The following CNTN4 variants were observed in gnomAD, a reference collection of about 807,000 sequenced individuals.
The protein encoded by CNTN4 is contactin-4.
CNTN4 carries 77 observed loss-of-function variants against 122.5 expected under a neutral mutation model. The observed-to-expected ratio is 0.63, with a 90% CI of 0.52 to 0.76. The LOEUF is 0.76. Ranked by LOEUF, CNTN4 falls within the 30% of genes least tolerant of loss-of-function variation. CNTN4 has a pLI of 0.00. For missense variants in CNTN4, 1,256 were observed against 1,259.1 expected, an observed-to-expected ratio of 1.00 and a Z score of 0.04; for synonymous variants, 512 against 447.0, an observed-to-expected ratio of 1.15 and a Z score of -1.83.
chr3:2,373,506 G>A (rs1012167388), intron 3 of CNTN4, among the ~76,000 whole-genome samples: 21 of 152,216 alleles, frequency 1.4e-4, no homozygotes, highest in African/African-American at 4.8e-4. Flanking sequence ...ATGGATACAT[G>A]AGTTAGTGTT....
intron 10 of CNTN4, among the ~76,000 whole-genome samples, chr3:2,887,697 A>G (rs1311793852): frequency 2.6e-5 from 4 of 152,134 alleles, no homozygotes; most frequent in Non-Finnish European, 5.9e-5. Context: ...CACACTGTCC[A>G]AATTTAGTTC....
intron 2 of CNTN4, among the ~76,000 whole-genome samples, chr3:2,114,755 T>G (rs1463064537): frequency 6.6e-6 from 1 of 152,192 alleles, no homozygotes; most frequent in East Asian, 1.9e-4. Context: ...GGAGATATTC[T>G]TTATGCTGTA....
At chr3:3,000,335 A>T (rs1330193531) in intron 14 of CNTN4, among the ~76,000 whole-genome samples, 1 of 148,520 alleles carries the variant, frequency 6.7e-6, no homozygotes, top group Non-Finnish European at 1.5e-5. Context: ...AACTGGGATG[A>T]TAGGAACAGC....
In CNTN4 at chr3:2,328,262, CG is replaced by C. The variant is rs2043545811; in HGVS notation, c.-144-10913del. ...CTACTAAAAATACAAAAAAATTAGC[CG>C]GGCGTGGTGGCGGGCGCCTGTAGTC... On this transcript the variant is annotated intron_variant, in intron 2 of 24. Transcript: ENST00000418658. 2.7e-5 allele frequency among the ~76,000 whole-genome samples: 4 copies of C among 150,872 alleles called. No homozygotes were observed. In the South Asian group the frequency reaches 8.5e-4, roughly 32 times the overall value.
intron 3 of CNTN4, among the ~76,000 whole-genome samples, chr3:2,346,346 A>G (rs931130781): frequency 6.6e-6 from 1 of 152,074 alleles, no homozygotes. Context: ...TTTTCTATGC[A>G]TATTATTTTA....
chr3:2,803,927 C>A (rs1054631332), intron 6 of CNTN4, among the ~76,000 whole-genome samples: 7 of 152,034 alleles, frequency 4.6e-5, no homozygotes, highest in Non-Finnish European at 8.8e-5. Context: ...CCCATTGAGA[C>A]TGAGTCTCAA....
At chr3:2,537,653 C>T (rs1018018518) in intron 3 of CNTN4, among the ~76,000 whole-genome samples, 1 of 152,068 alleles carries the variant, frequency 6.6e-6, no homozygotes, top group Admixed American at 6.6e-5. Flanking sequence ...TTCATCCTTA[C>T]CACTAGCTAC....
chr3:2,972,462 A>G (rs1461813203), intron 13 of CNTN4, among the ~76,000 whole-genome samples: 2 of 152,202 alleles, frequency 1.3e-5, no homozygotes, highest in Non-Finnish European at 2.9e-5. Flanking sequence ...GCAACAAAGC[A>G]TGATTCGTTA....
At chr3:2,300,326 G>A (rs1283577867) in intron 2 of CNTN4, among the ~76,000 whole-genome samples, 1 of 152,072 alleles carries the variant, frequency 6.6e-6, no homozygotes, top group East Asian at 1.9e-4. Context: ...TGTCCTGAAA[G>A]TTCAGGGTAG....
chr3:2,809,518 G>C (rs1303064663), intron 6 of CNTN4, among the ~76,000 whole-genome samples: 1 of 152,104 alleles, frequency 6.6e-6, no homozygotes, highest in East Asian at 1.9e-4. Context: ...CACAGTGAAG[G>C]GTCCATATTT....
intron 4 of CNTN4, among the ~76,000 whole-genome samples, chr3:2,624,136 T>G (rs2082092674): frequency 6.6e-6 from 1 of 152,238 alleles, no homozygotes; most frequent in Admixed American, 6.5e-5. Flanking sequence ...ATTACAAAAT[T>G]TAAAAATACT....
chr3:2,717,480 A>G (rs142174031), intron 4 of CNTN4, among the ~76,000 whole-genome samples: 147 of 152,254 alleles, frequency 9.7e-4, no homozygotes, highest in African/African-American at 3.3e-3. Context: ...AGACTTGGGA[A>G]TCTTGCCTCT....
chr3:2,599,067 C>T (rs2080905165), intron 4 of CNTN4, among the ~76,000 whole-genome samples: 1 of 152,068 alleles, frequency 6.6e-6, no homozygotes, highest in African/African-American at 2.4e-5. Flanking sequence ...TTGGTGTATA[C>T]CTTATAGATC....
chr3:2,184,193 C>T (rs1024504183), intron 2 of CNTN4, among the ~76,000 whole-genome samples: 2 of 151,956 alleles, frequency 1.3e-5, no homozygotes, highest in African/African-American at 4.8e-5. Flanking sequence ...ACCATATTGC[C>T]CAGGCTGGTT....
intron 3 of CNTN4, among the ~76,000 whole-genome samples, chr3:2,441,601 C>T (rs1261043458): frequency 1.3e-5 from 2 of 152,130 alleles, no homozygotes; most frequent in African/African-American, 4.8e-5. Flanking sequence ...ATTTTGATTC[C>T]TGCAGTGGAT....
chr3:2,863,609 G>A (rs953678947), intron 7 of CNTN4, among the ~76,000 whole-genome samples: 6 of 151,802 alleles, frequency 4.0e-5, no homozygotes, highest in African/African-American at 1.2e-4. Flanking sequence ...TTAATAATCC[G>A]TATATTTTAC....
intron 6 of CNTN4, among the ~76,000 whole-genome samples, chr3:2,818,187 T>A (rs533362993): frequency 6.6e-6 from 1 of 152,248 alleles, no homozygotes; most frequent in African/African-American, 2.4e-5. Flanking sequence ...TGGTACTTAA[T>A]GGAGTTTTTA....
At chr3:3,010,279 C>T (rs1309145094) in intron 14 of CNTN4, among the ~76,000 whole-genome samples, 2 of 152,034 alleles carry the variant, frequency 1.3e-5, no homozygotes, top group African/African-American at 4.8e-5. Flanking sequence ...TACCTGACTT[C>T]AAGTAATACC....
chr3:2,402,070 G>A (rs1458390632), intron 3 of CNTN4, among the ~76,000 whole-genome samples: 3 of 152,118 alleles, frequency 2.0e-5, no homozygotes, highest in Admixed American at 2.0e-4. Context: ...CCATACTTGA[G>A]TAGATCAAAC....
Sources: gnomAD v4.1 joint callset for allele counts (sites outside exome capture counted in the v4.1 genomes callset) on GRCh38, gnomAD v4.1.1 for gene constraint, MANE v1.5 for transcripts, NCBI Gene and HGNC (gene_info 2026-07-23, HGNC 2026-07-21) for gene names.